AKAP6: variants seen among roughly 807,000 people sequenced by gnomAD.
The protein encoded by AKAP6 is A-kinase anchor protein 6.
AKAP6 carries 58 observed loss-of-function variants against 188.5 expected under a neutral mutation model. The ratio of observed to expected loss-of-function variants is 0.31; its 90% CI spans 0.25 to 0.38. AKAP6 has a LOEUF of 0.38. Ranked by LOEUF, AKAP6 falls within the 10% of genes least tolerant of loss-of-function variation. The pLI is 1.00. For synonymous variants in AKAP6, 989 were observed against 998.6 expected (o/e 0.99, Z 0.18); for missense variants, 2,710 against 2,740.0 (o/e 0.99, Z 0.24).
chr14:32,748,165 A>G (rs2031986840), intron 11 of AKAP6, among the ~76,000 whole-genome samples: 1 of 152,214 alleles, frequency 6.6e-6, no homozygotes, highest in Admixed American at 6.5e-5. Flanking sequence ...CTGGAAGAAC[A>G]TAATTGCAAA....
At chr14:32,573,333 A>G (rs891854683) in intron 4 of AKAP6, among the ~76,000 whole-genome samples, 13 of 152,144 alleles carry the variant, frequency 8.5e-5, no homozygotes, top group African/African-American at 3.1e-4. Flanking sequence ...AGAAAATCTG[A>G]TTTTTATAGT....
At chr14:32,601,129 G>A (rs1159577406) in intron 7 of AKAP6, among the ~76,000 whole-genome samples, 1 of 152,142 alleles carries the variant, frequency 6.6e-6, no homozygotes, top group Non-Finnish European at 1.5e-5. Context: ...AAATTGTTTT[G>A]TTGCAACTAT....
chr14:32,352,697 T>C (rs1350810152), intron 1 of AKAP6, among the ~76,000 whole-genome samples: 5 of 152,232 alleles, frequency 3.3e-5, no homozygotes, highest in Admixed American at 2.6e-4. Context: ...CACTTAACAA[T>C]GCCCTCCAGG....
At position 32,359,265 on chromosome 14, in the gene AKAP6, A is replaced by C. The variant is rs904581771; in HGVS notation, c.-35+29857A>C. On this transcript the variant is annotated intron_variant, in intron 1 of 13. Transcript: ENST00000280979. ...CCTTTTCCAAAAAGTTGGTCTTTAA[A>C]AATGAACATTTTCCTGTTTATTTCT... 4.6e-5 allele frequency among the ~76,000 whole-genome samples: 7 copies of C among 152,330 alleles called. No homozygotes were observed. The East Asian group carries it at 1.3e-3, about 29-fold the overall frequency.
In AKAP6 at chr14:32,822,571, C is replaced by T; in HGVS notation, c.4758C>T (p.Gly1586=). The change falls in exon 13 of 14, where the codon GGC becomes GGT. Residue 1586 remains glycine (G), a synonymous_variant. Transcript: ENST00000280979. The part of the protein sequence containing the change: ...DLFGLGIFKN[G]SDSLQRSTSL... ...TTGGATTGGGCATCTTTAAAAATGG[C>T]AGTGACAGCCTCCAGCGAAGCACTT... is the stretch of plus-strand genomic sequence containing the variant. 2 of 1,613,976 alleles carry T rather than the reference C, an allele frequency of 1.2e-6. No individual in the cohort carries two copies. The highest frequency in any genetic ancestry group is 1.7e-6 in the Non-Finnish European group (2 of 1,179,948).
chr14:32,507,046 T>C (rs1880917608), intron 2 of AKAP6, among the ~76,000 whole-genome samples: 1 of 152,158 alleles, frequency 6.6e-6, no homozygotes, highest in Non-Finnish European at 1.5e-5. Flanking sequence ...ATTAAATATA[T>C]TAGAGGGTTT....
intron 1 of AKAP6, among the ~76,000 whole-genome samples, chr14:32,414,787 T>A (rs1889603594): frequency 6.6e-6 from 1 of 152,218 alleles, no homozygotes. Flanking sequence ...TAAAAGAGAA[T>A]GATCAAACCT....
At chr14:32,364,040 TC>T in intron 1 of AKAP6, among the ~76,000 whole-genome samples, 1 of 152,294 alleles carries the variant, frequency 6.6e-6, no homozygotes, top group South Asian at 2.1e-4. Context: ...GGGCTGTGTG[TC>T]TCACTCAGTA....
rs760009504 is a variant in AKAP6, at chr14:32,535,667, A to T, written c.438A>T (p.Ala146=). The T allele has an allele frequency of 3.7e-6, 6 of 1,614,122 alleles. No individual in the cohort carries two copies. The South Asian group carries it at 4.4e-5, about 12-fold the overall frequency. Reference sequence around the variant, plus strand: ...TCAACGTGATAGTGGACATCCACGCAGTGCAGCTCCTCTGGCACCAGCTTC... The same window carrying T: ...TCAACGTGATAGTGGACATCCACGCTGTGCAGCTCCTCTGGCACCAGCTTC... ...YSVNVIVDIH[A]VQLLWHQLRV... The change falls in exon 3 of 14, where the codon GCA becomes GCT. Residue 146 remains alanine, a synonymous_variant. Transcript: ENST00000280979.
chr14:32,770,297 A>G (rs2032858582), intron 11 of AKAP6, among the ~76,000 whole-genome samples: 1 of 152,178 alleles, frequency 6.6e-6, no homozygotes, highest in South Asian at 2.1e-4. Context: ...ACCTTGCAAG[A>G]CGAAATTGCC....
At position 32,783,391 on chromosome 14, in the gene AKAP6, G is replaced by C. The variant is rs566205544; in HGVS notation, c.3588+9498G>C. 6.2e-4 allele frequency among the ~76,000 whole-genome samples: 94 copies of C among 152,084 alleles called. 2 individuals carry two copies. The highest frequency in any genetic ancestry group is 2.2e-3 in the African/African-American group (90 of 41,510). ...GAGTGATAGAAATATTCATGATCTT[G>C]TTTGTAGTGATCATTTTGTATGCAT... On this transcript the variant is annotated intron_variant, in intron 12 of 13. Coordinates refer to ENST00000280979, the MANE Select transcript of AKAP6 (RefSeq NM_004274.5).
At chr14:32,821,380 TC>T in intron 12 of AKAP6, 21 bp from the exon 13 acceptor site, 1 of 1,548,954 alleles carries the variant, frequency 6.5e-7, no homozygotes, top group Non-Finnish European at 8.7e-7. Context: ...CTTCTCCTTT[TC>T]TTTTTCTTTC....
At chr14:32,712,541 C>T (rs61981369) in intron 9 of AKAP6, among the ~76,000 whole-genome samples, 14,861 of 152,082 alleles carry the variant, frequency 0.098, 991 homozygotes, top group Non-Finnish European at 0.14. Context: ...CAAACCCTGC[C>T]GCTGCTTTAT....
At chr14:32,774,927 G>A (rs906479668) in intron 12 of AKAP6, among the ~76,000 whole-genome samples, 3 of 152,138 alleles carry the variant, frequency 2.0e-5, no homozygotes, top group African/African-American at 4.8e-5. Context: ...GCTCTTTGAC[G>A]TGTTAGGCAC....
chr14:32,438,986 A>G (rs1951187), intron 2 of AKAP6: 51,418 of 152,170 alleles, frequency 0.34, 11,324 homozygotes, highest in Non-Finnish European at 0.49. Context: ...GCTGGATAAC[A>G]GACAGAAGCC....
At chr14:32,494,489 G>C in intron 2 of AKAP6, 1 of 152,248 alleles carries the variant, frequency 6.6e-6, no homozygotes, top group African/African-American at 2.4e-5. Context: ...GAGGTAGCAT[G>C]CTTTAGTAGC....
intron 1 of AKAP6, among the ~76,000 whole-genome samples, chr14:32,335,145 T>G (rs548294508): frequency 3.9e-5 from 6 of 152,132 alleles, no homozygotes; most frequent in Non-Finnish European, 8.8e-5. Flanking sequence ...GGTCTCAAAC[T>G]GGCTAATACA....
At chr14:32,600,881 CT>C (rs1162117744) in intron 7 of AKAP6, 89 bp downstream of exon 7, 2 of 1,257,264 alleles carry the variant, frequency 1.6e-6, no homozygotes, top group Non-Finnish European at 2.1e-6. Flanking sequence ...AACCCTAAGG[CT>C]TTTTGTTTCT....
intron 2 of AKAP6, among the ~76,000 whole-genome samples, chr14:32,475,540 G>C (rs58490247): frequency 0.27 from 41,473 of 152,098 alleles, 6,085 homozygotes; most frequent in Non-Finnish European, 0.32. Flanking sequence ...AAAAAGGCAT[G>C]CTATGAATTC....
Sources: allele counts gnomAD v4.1 joint callset (sites outside exome capture counted in the v4.1 genomes callset), GRCh38; gene constraint gnomAD v4.1.1; transcripts MANE v1.5; gene names NCBI Gene and HGNC (gene_info 2026-07-23, HGNC 2026-07-21).